The following NKAIN1 variants were observed in gnomAD, a reference collection of about 807,000 sequenced individuals.
The protein encoded by NKAIN1 is sodium/potassium transporting ATPase interacting 1.
NKAIN1 carries 13 observed loss-of-function variants against 31.6 expected under a neutral mutation model. That is an observed-to-expected ratio of 0.41 (90% CI 0.27 to 0.65). The LOEUF (loss-of-function observed/expected upper bound fraction) is 0.65. NKAIN1 is among the 30% of genes least tolerant of loss of function. NKAIN1 has a pLI of 0.30. For missense variants in NKAIN1, 193 were observed against 262.2 expected, an observed-to-expected ratio of 0.74 and a Z score of 1.82; for synonymous variants, 104 against 109.0, an observed-to-expected ratio of 0.95 and a Z score of 0.28.
In NKAIN1 at chr1:31,239,654, G is replaced by GTTT. The variant is rs1167619101; in HGVS notation, c.-108_-107insAAA. 1.9e-6 allele frequency: 1 copy of GTTT among 525,596 alleles called. No homozygotes were observed. The highest frequency in any genetic ancestry group is 2.1e-5 in the African/African-American group (1 of 48,106). The allele number at this position is 525,596 out of a possible 1,614,324, so 32.6% of individuals were successfully genotyped here. A position where few individuals can be genotyped will look rare whatever the true frequency, so the allele number is the denominator to read the frequency against. Reference sequence around the variant, plus strand: ...ACGTCCTCCCCGCTGGGCGCGCCGGGCGGCGGGGCCGGGCGCCTAGGGCCG... The same window carrying GTTT: ...ACGTCCTCCCCGCTGGGCGCGCCGGGTTTCGGCGGGGCCGGGCGCCTAGGGCCG... On this transcript the variant is annotated 5_prime_UTR_variant, in exon 1 of 7. Coordinates refer to ENST00000373736, the MANE Select transcript of NKAIN1 (RefSeq NM_024522.3). The surrounding 1 kb of genome is among the most constrained non-coding windows in gnomAD (Gnocchi z 4.8).
At chr1:31,218,020 C>CTTTCTTTCTTTCTTTCTT (rs1570472061) in intron 1 of NKAIN1, among the ~76,000 whole-genome samples, 5 of 73,840 alleles carry the variant, frequency 6.8e-5, no homozygotes, top group South Asian at 5.2e-4. Context: ...CTACCATTTT[C>CTTTCTTTCTTTCTTTCTT]TTTCTTTCTT....
intron 1 of NKAIN1, among the ~76,000 whole-genome samples, chr1:31,223,662 TC>T: frequency 6.6e-6 from 1 of 152,126 alleles, no homozygotes; most frequent in Non-Finnish European, 1.5e-5. Context: ...GCCAGGATGG[TC>T]CCGATCTCCT....
At chr1:31,206,803 G>A (rs1326153416) in intron 1 of NKAIN1, among the ~76,000 whole-genome samples, 1 of 152,126 alleles carries the variant, frequency 6.6e-6, no homozygotes, top group Admixed American at 6.6e-5. Context: ...GCATGATCAT[G>A]GCTCACTGCA....
At chr1:31,234,782 C>T (rs1645682711) in intron 1 of NKAIN1, among the ~76,000 whole-genome samples, 1 of 152,104 alleles carries the variant, frequency 6.6e-6, no homozygotes, top group Non-Finnish European at 1.5e-5. Context: ...AGGCTTGGAC[C>T]TGTCTGGGGT....
rs79553118 is a variant in NKAIN1 at position 31,191,736 on chromosome 1, G to A, written c.55-3549C>T. On this transcript the variant is annotated intron_variant, in intron 1 of 6. Coordinates refer to ENST00000373736, the MANE Select transcript of NKAIN1 (RefSeq NM_024522.3). ...CTCCTGCCCCCAAGAGGCTGTAACAGCAGTTAAAGTCCTACCTTCATTTGC... is the reference window on the plus strand; with the variant it reads ...CTCCTGCCCCCAAGAGGCTGTAACAACAGTTAAAGTCCTACCTTCATTTGC... Among the ~76,000 whole-genome samples the A allele has an allele frequency of 4.2e-3, 640 of 152,228 alleles. 38 individuals carry two copies. The East Asian group carries it at 0.099, about 24-fold the overall frequency.
rs567419829 is a variant in NKAIN1 at position 31,182,962 on chromosome 1, C to G, written c.472-372G>C. ...CTCCTATCTTGGAGTTTCTTTCTTT[C>G]TTTTTTTTTTCTTCCCTTCCCTTCC... On this transcript the variant is annotated intron_variant, in intron 4 of 6. Coordinates refer to ENST00000373736, the MANE Select transcript of NKAIN1 (RefSeq NM_024522.3). Among the ~76,000 whole-genome samples the G allele has an allele frequency of 4.0e-5, 6 of 149,632 alleles. No homozygotes were observed. The East Asian group carries it at 1.2e-3, about 29-fold the overall frequency.
At chr1:31,211,331 A>G (rs1032991832) in intron 1 of NKAIN1, among the ~76,000 whole-genome samples, 1 of 152,258 alleles carries the variant, frequency 6.6e-6, no homozygotes, top group African/African-American at 2.4e-5. Context: ...AGATCAATAT[A>G]CAAAAATCAC....
In NKAIN1 at chr1:31,239,274, G is replaced by A. The variant is rs1645715027; in HGVS notation, c.54+220C>T. ...CGCGCACAGGACGCACTTGGGGACC[G>A]GAGGAGCGCCGGGCACAGCAGCGAG... On this transcript the variant is annotated intron_variant, in intron 1 of 6. Coordinates refer to ENST00000373736, the MANE Select transcript of NKAIN1 (RefSeq NM_024522.3). The surrounding 1 kb of genome is among the most constrained non-coding windows in gnomAD (Gnocchi z 4.8). 6.6e-6 allele frequency among the ~76,000 whole-genome samples: 1 copy of A among 152,114 alleles called. No homozygotes were observed. The highest frequency in any genetic ancestry group is 1.9e-4 in the East Asian group (1 of 5,164).
rs1432230569 is a variant in NKAIN1 at position 31,188,339 on chromosome 1, T to TG, written c.55-153dup. On this transcript the variant is annotated intron_variant, in intron 1 of 6. Transcript: ENST00000373736. ...CAGTCCTTCACTACCAAAGGGATGC[T>TG]GGGGGGTCCTTAAGCCTGATCATCA... The TG allele has an allele frequency of 3.7e-6, 3 of 805,108 alleles. No homozygotes were observed. The African/African-American group carries it at 5.2e-5, about 14-fold the overall frequency. 49.9% of individuals were successfully genotyped at this position (805,108 alleles called of 1,614,324 possible). A position where few individuals can be genotyped will look rare whatever the true frequency, so the allele number is the denominator to read the frequency against.
At chr1:31,210,071 C>T (rs1645455972) in intron 1 of NKAIN1, among the ~76,000 whole-genome samples, 1 of 151,812 alleles carries the variant, frequency 6.6e-6, no homozygotes, top group African/African-American at 2.4e-5. Context: ...CAGCATTCTA[C>T]TCTGAAATAG....
rs1645673483 is a variant in NKAIN1 at position 31,233,588 on chromosome 1, A to G, written c.54+5906T>C. Reference sequence around the variant, plus strand: ...CATAGCAGACACCAAACAAAAAGAAATTCTCATTATGTTAATTTCCCACTC... The same window carrying G: ...CATAGCAGACACCAAACAAAAAGAAGTTCTCATTATGTTAATTTCCCACTC... On this transcript the variant is annotated intron_variant, in intron 1 of 6. Coordinates refer to ENST00000373736, the MANE Select transcript of NKAIN1 (RefSeq NM_024522.3). This position sits in a 1 kb window ranked among gnomAD's most constrained non-coding sequence, Gnocchi z 4.0. 6.6e-6 allele frequency among the ~76,000 whole-genome samples: 1 copy of G among 152,170 alleles called. No individual in the cohort carries two copies. Among genetic ancestry groups the G allele is most frequent in the Non-Finnish European group, 1.5e-5 (1 of 68,032 alleles).
At position 31,239,116 on chromosome 1, in the gene NKAIN1, A is replaced by T. The variant is rs921924660; in HGVS notation, c.54+378T>A. ...AGACCCATGCAAACGAGGGATCTAG[A>T]GGGAAACACACAGCAGGACCTCAAC... On this transcript the variant is annotated intron_variant, in intron 1 of 6. Transcript: ENST00000373736. This position sits in a 1 kb window ranked among gnomAD's most constrained non-coding sequence, Gnocchi z 4.8. 6.6e-6 allele frequency among the ~76,000 whole-genome samples: 1 copy of T among 152,062 alleles called. No individual in the cohort carries two copies.
intron 1 of NKAIN1, among the ~76,000 whole-genome samples, chr1:31,213,778 T>C (rs1214400151): frequency 6.6e-6 from 1 of 152,052 alleles, no homozygotes; most frequent in Non-Finnish European, 1.5e-5. Flanking sequence ...GAGGATCCCT[T>C]GAGCCCAGGA....
At chr1:31,211,848 A>G (rs1645472127) in intron 1 of NKAIN1, among the ~76,000 whole-genome samples, 1 of 152,174 alleles carries the variant, frequency 6.6e-6, no homozygotes, top group Non-Finnish European at 1.5e-5. Context: ...AGGCTGAGGT[A>G]GGAGAATCGC....
intron 1 of NKAIN1, among the ~76,000 whole-genome samples, chr1:31,237,068 C>T (rs1006569382): frequency 2.6e-5 from 4 of 152,058 alleles, no homozygotes; most frequent in African/African-American, 9.7e-5. Context: ...GCCTGGGCAA[C>T]AAGAGTGAGA....
chr1:31,205,674 G>A (rs1376971272), intron 1 of NKAIN1, among the ~76,000 whole-genome samples: 3 of 137,058 alleles, frequency 2.2e-5, no homozygotes, highest in Non-Finnish European at 4.6e-5. Context: ...CTAGAGTGCA[G>A]TGGCACGATC....
rs771071831 is a variant in NKAIN1 at position 31,233,110 on chromosome 1, G to T, written c.54+6384C>A. Reference sequence around the variant, plus strand: ...ATTACAGGTGCCCACCACCACGCTCGGCTAATTTTTTGTATTTTTAGTAGA... The same window carrying T: ...ATTACAGGTGCCCACCACCACGCTCTGCTAATTTTTTGTATTTTTAGTAGA... On this transcript the variant is annotated intron_variant, in intron 1 of 6. Coordinates refer to ENST00000373736, the MANE Select transcript of NKAIN1 (RefSeq NM_024522.3). The surrounding 1 kb of genome is among the most constrained non-coding windows in gnomAD (Gnocchi z 4.0). Among the ~76,000 whole-genome samples, 14 of 152,150 alleles carry T rather than the reference G, an allele frequency of 9.2e-5. No individual in the cohort carries two copies. Among genetic ancestry groups the T allele is most frequent in the Admixed American group, 5.2e-4 (8 of 15,274 alleles).
chr1:31,231,914 T>G (rs1288223751), intron 1 of NKAIN1, among the ~76,000 whole-genome samples: 1 of 151,270 alleles, frequency 6.6e-6, no homozygotes, highest in Non-Finnish European at 1.5e-5. Context: ...GAACTAGCTT[T>G]TTTTTTTTTT....
At chr1:31,188,325 T>G in intron 1 of NKAIN1, 138 bp from the exon 2 acceptor site, 1 of 905,580 alleles carries the variant, frequency 1.1e-6, no homozygotes. Context: ...AGTCCTTCAC[T>G]ACCAAAGGGA....
Sources: allele counts gnomAD v4.1 joint callset (sites outside exome capture counted in the v4.1 genomes callset), GRCh38; gene constraint gnomAD v4.1.1; non-coding constraint Gnocchi (gnomAD v3.1); transcripts MANE v1.5; gene names NCBI Gene and HGNC (gene_info 2026-07-23, HGNC 2026-07-21).